The following BACH2 variants were observed in gnomAD, a reference collection of about 807,000 sequenced individuals.
BACH2 encodes the protein transcription regulator protein BACH2.
Under a neutral mutation model 61.8 loss-of-function variants are expected in BACH2, and 5 were observed. The ratio of observed to expected loss-of-function variants is 0.08; its 90% CI spans 0.04 to 0.17. BACH2 has a LOEUF of 0.17. BACH2 is among the 10% of genes least tolerant of loss of function. The pLI is 1.00. For missense variants in BACH2, 824 were observed against 1,091.1 expected (o/e 0.76, Z 3.45); for synonymous variants, 446 against 440.1 (o/e 1.01, Z -0.17).
chr6:90,044,246 G>A (rs955931116), intron 5 of BACH2, among the ~76,000 whole-genome samples: 5 of 152,208 alleles, frequency 3.3e-5, no homozygotes, highest in African/African-American at 7.2e-5. Context: ...TACTGCAGTC[G>A]TGGAAGATCT....
At position 89,947,775 on chromosome 6, in the gene BACH2, G is replaced by A. The variant is rs1287030195; in HGVS notation, c.1836+2495C>T. Among the ~76,000 whole-genome samples, 4 of 151,968 alleles carry A rather than the reference G, an allele frequency of 2.6e-5. No individual in the cohort carries two copies. In the East Asian group the frequency reaches 7.8e-4, roughly 29 times the overall value. On this transcript the variant is annotated intron_variant, in intron 7 of 8. Transcript: ENST00000257749. ...TTTAGTAGAGACGGGGTTTCACCGT[G>A]TTAGCCAGGATGGTCTCGATCTCCC... is the stretch of plus-strand genomic sequence containing the variant.
intron 5 of BACH2, among the ~76,000 whole-genome samples, chr6:90,037,863 G>C (rs562316140): frequency 1.3e-4 from 20 of 152,298 alleles, no homozygotes; most frequent in Non-Finnish European, 2.1e-4. Context: ...ACTCCATATG[G>C]AGACAGAGAC....
At chr6:90,153,025 G>C (rs748217200) in intron 4 of BACH2, among the ~76,000 whole-genome samples, 32 of 152,254 alleles carry the variant, frequency 2.1e-4, no homozygotes, top group Admixed American at 6.5e-4. Flanking sequence ...CACCAGAGTA[G>C]ATGAATGAAG....
intron 7 of BACH2, among the ~76,000 whole-genome samples, chr6:89,945,722 T>C (rs1451285051): frequency 6.6e-6 from 1 of 152,160 alleles, no homozygotes; most frequent in African/African-American, 2.4e-5. Flanking sequence ...TGTCTTAATT[T>C]AAAAAATAAA....
chr6:90,138,856 G>A (rs143663111), intron 4 of BACH2, among the ~76,000 whole-genome samples: 2,042 of 152,254 alleles, frequency 0.013, 49 homozygotes, highest in African/African-American at 0.041. Context: ...CCACTTTAAT[G>A]TCTGTATGTA....
chr6:89,999,311 TG>T (rs1777008995), intron 6 of BACH2, among the ~76,000 whole-genome samples: 1 of 152,214 alleles, frequency 6.6e-6, no homozygotes, highest in Non-Finnish European at 1.5e-5. Context: ...GCATCGTGAG[TG>T]ACTCAACCAT....
chr6:90,088,428 G>A (rs1289580385), intron 5 of BACH2, among the ~76,000 whole-genome samples: 3 of 152,124 alleles, frequency 2.0e-5, no homozygotes, highest in African/African-American at 4.8e-5. Context: ...CAGAATAATG[G>A]CATCAACTGG....
chr6:90,218,920 C>CGTGTGTGTGTGTGTGT (rs3221352), intron 3 of BACH2, among the ~76,000 whole-genome samples: 1 of 140,400 alleles, frequency 7.1e-6, no homozygotes, highest in Non-Finnish European at 1.6e-5. Context: ...GTTTCCTTTC[C>CGTGTGTGTGTGTGTGT]GTGTGTGTGT....
chr6:90,062,093 G>A (rs9342220), intron 5 of BACH2, among the ~76,000 whole-genome samples: 22,310 of 152,158 alleles, frequency 0.15, 2,919 homozygotes, highest in East Asian at 0.68. Context: ...ATGCAGGAAA[G>A]AAAGGGAATA....
At chr6:90,240,216 T>G (rs1370958968) in intron 3 of BACH2, among the ~76,000 whole-genome samples, 1 of 152,204 alleles carries the variant, frequency 6.6e-6, no homozygotes, top group African/African-American at 2.4e-5. Context: ...ATACTGCATT[T>G]TTCCAATACT....
At chr6:89,936,827 T>C (rs898539886) in intron 8 of BACH2, among the ~76,000 whole-genome samples, 1 of 152,166 alleles carries the variant, frequency 6.6e-6, no homozygotes, top group African/African-American at 2.4e-5. Flanking sequence ...CATTAGCTGG[T>C]GGCTCACCAT....
At chr6:90,190,857 A>G (rs139799671) in intron 4 of BACH2, among the ~76,000 whole-genome samples, 1 of 152,364 alleles carries the variant, frequency 6.6e-6, no homozygotes, top group African/African-American at 2.4e-5. Flanking sequence ...TTTGTTTCAC[A>G]TATGGAGACA....
chr6:89,961,507 T>C (rs1187281121), intron 6 of BACH2, among the ~76,000 whole-genome samples: 3 of 152,214 alleles, frequency 2.0e-5, no homozygotes, highest in Non-Finnish European at 4.4e-5. Context: ...GTGATTTTCC[T>C]AGGCGAGAAT....
chr6:89,972,872 C>T (rs568694540), intron 6 of BACH2, among the ~76,000 whole-genome samples: 56 of 152,198 alleles, frequency 3.7e-4, no homozygotes, highest in African/African-American at 1.2e-3. Context: ...GGGCAGATCA[C>T]GAGGTCAGGA....
At chr6:90,105,245 C>G (rs1243440742) in intron 4 of BACH2, among the ~76,000 whole-genome samples, 1 of 152,212 alleles carries the variant, frequency 6.6e-6, no homozygotes, top group African/African-American at 2.4e-5. Flanking sequence ...TATCAAGGTG[C>G]TCACACAACA....
intron 6 of BACH2, among the ~76,000 whole-genome samples, chr6:89,962,101 T>C (rs980547748): frequency 1.3e-5 from 2 of 149,952 alleles, no homozygotes; most frequent in African/African-American, 2.5e-5. Flanking sequence ...ATGCAATTTC[T>C]GATCTCTAGT....
At chr6:90,196,884 C>T (rs1483100582) in intron 4 of BACH2, among the ~76,000 whole-genome samples, 2 of 151,834 alleles carry the variant, frequency 1.3e-5, no homozygotes, top group African/African-American at 2.4e-5. Flanking sequence ...ACCAGAAGAA[C>T]ATATAAACTA....
chr6:90,167,277 G>C (rs1767659230), intron 4 of BACH2, among the ~76,000 whole-genome samples: 1 of 152,198 alleles, frequency 6.6e-6, no homozygotes, highest in Non-Finnish European at 1.5e-5. Context: ...ACCAAGGCTG[G>C]AGAAGTTTCC....
chr6:90,150,935 CCA>C (rs999670523), intron 4 of BACH2, among the ~76,000 whole-genome samples: 7 of 152,130 alleles, frequency 4.6e-5, no homozygotes, highest in African/African-American at 1.7e-4. Context: ...TTCATGGCCA[CCA>C]CAGTCACTGT....
Sources: allele counts gnomAD v4.1 joint callset (sites outside exome capture counted in the v4.1 genomes callset), GRCh38; gene constraint gnomAD v4.1.1; transcripts MANE v1.5; gene names NCBI Gene and HGNC (gene_info 2026-07-23, HGNC 2026-07-21).